Variants in HPSE2 observed in about 807,000 individuals in gnomAD.
The protein encoded by HPSE2 is inactive heparanase-2.
In HPSE2, 38 loss-of-function variants were observed where a neutral mutation model predicts 60.5. The observed-to-expected ratio is 0.63, with a 90% CI of 0.48 to 0.82. The LOEUF (loss-of-function observed/expected upper bound fraction) is 0.82, where lower values mean the gene tolerates loss of function less well. HPSE2 is among the 40% of genes least tolerant of loss of function. The pLI is 0.00. For synonymous variants in HPSE2, 295 were observed against 293.2 expected, an observed-to-expected ratio of 1.01 and a Z score of -0.06; for missense variants, 713 against 740.4, an observed-to-expected ratio of 0.96 and a Z score of 0.43.
At chr10:98,810,716 C>T (rs924361606) in intron 3 of HPSE2, among the ~76,000 whole-genome samples, 4 of 151,628 alleles carry the variant, frequency 2.6e-5, no homozygotes, top group African/African-American at 9.7e-5. Context: ...TTGTCTTGGG[C>T]CACACATAAA....
the HPSE2 span, among the ~76,000 whole-genome samples, chr10:99,274,866 G>A: frequency 9.2e-5 from 14 of 152,298 alleles, no homozygotes; most frequent in African/African-American, 3.1e-4. Context: ...ATTCATCTGG[G>A]AAATATACTT....
At chr10:98,922,912 T>C (rs1002330569) in intron 3 of HPSE2, among the ~76,000 whole-genome samples, 7 of 152,220 alleles carry the variant, frequency 4.6e-5, no homozygotes, top group African/African-American at 1.2e-4. Context: ...CTTTCTACTT[T>C]AGTCAAGATA....
chr10:99,090,741 G>A (rs1043943755), intron 3 of HPSE2, among the ~76,000 whole-genome samples: 2 of 151,762 alleles, frequency 1.3e-5, no homozygotes, highest in Non-Finnish European at 2.9e-5. Flanking sequence ...CACATAGGTT[G>A]TACCTCAATT....
At chr10:99,029,926 T>G (rs1166795388) in intron 3 of HPSE2, among the ~76,000 whole-genome samples, 1 of 152,180 alleles carries the variant, frequency 6.6e-6, no homozygotes, top group Admixed American at 6.5e-5. Context: ...CTTGACACTT[T>G]TCGCTACCAC....
intron 3 of HPSE2, among the ~76,000 whole-genome samples, chr10:98,965,611 C>G (rs112637910): frequency 6.6e-6 from 1 of 152,110 alleles, no homozygotes; most frequent in South Asian, 2.1e-4. Context: ...CTTCCATTCT[C>G]TTGTGCCTCT....
At chr10:98,694,024 A>G (rs907928269) in intron 5 of HPSE2, 77 bp from the exon 6 acceptor site, 60 of 1,106,942 alleles carry the variant, frequency 5.4e-5, no homozygotes, top group South Asian at 2.4e-4. Context: ...AAATAAACTG[A>G]GACAGATTAG....
At chr10:98,501,204 A>G (rs976375591) in intron 9 of HPSE2, among the ~76,000 whole-genome samples, 2 of 152,178 alleles carry the variant, frequency 1.3e-5, no homozygotes, top group African/African-American at 4.8e-5. Context: ...TGAAGCCAGC[A>G]TCACCCTAAA....
chr10:98,991,758 G>T (rs1422007717), intron 3 of HPSE2, among the ~76,000 whole-genome samples: 1 of 151,282 alleles, frequency 6.6e-6, no homozygotes, highest in African/African-American at 2.4e-5. Flanking sequence ...ATGCGTGGTG[G>T]ACAAAAAAAA....
chr10:98,818,335 A>G (rs939527678), intron 3 of HPSE2, among the ~76,000 whole-genome samples: 4 of 152,144 alleles, frequency 2.6e-5, no homozygotes, highest in African/African-American at 7.2e-5. Flanking sequence ...TCCACCTCCA[A>G]TCGGTAGGCA....
intron 3 of HPSE2, among the ~76,000 whole-genome samples, chr10:98,943,255 T>G (rs1192214412): frequency 6.6e-6 from 1 of 150,538 alleles, no homozygotes; most frequent in Non-Finnish European, 1.5e-5. Context: ...AAAATTATAA[T>G]AAAAAAATAA....
intron 7 of HPSE2, among the ~76,000 whole-genome samples, chr10:98,640,682 G>T (rs779929843): frequency 6.6e-6 from 1 of 152,000 alleles, no homozygotes; most frequent in Non-Finnish European, 1.5e-5. Context: ...TGTTTAATCC[G>T]CTCGAGAAAT....
chr10:99,268,145 T>A, the HPSE2 span, among the ~76,000 whole-genome samples: 1 of 152,178 alleles, frequency 6.6e-6, no homozygotes, highest in Non-Finnish European at 1.5e-5. Flanking sequence ...GGGCCCTATC[T>A]TTAGCCTCCT....
At chr10:98,502,297 C>T (rs1942051831) in intron 9 of HPSE2, among the ~76,000 whole-genome samples, 1 of 152,154 alleles carries the variant, frequency 6.6e-6, no homozygotes, top group Non-Finnish European at 1.5e-5. Context: ...TGATTTCAAA[C>T]TATACTATTA....
intron 2 of HPSE2, among the ~76,000 whole-genome samples, chr10:99,179,748 G>A (rs1421819763): frequency 1.0e-4 from 15 of 146,582 alleles, no homozygotes; most frequent in Admixed American, 6.8e-5. Context: ...CACAGAATGA[G>A]AAAAAAAAAA....
intron 3 of HPSE2, among the ~76,000 whole-genome samples, chr10:98,815,059 G>C (rs1157362245): frequency 2.0e-5 from 3 of 152,156 alleles, no homozygotes; most frequent in Admixed American, 1.3e-4. Flanking sequence ...CTTGAGGCCA[G>C]GAATTCTAGA....
At position 99,206,411 on chromosome 10, in the gene HPSE2, G is replaced by A. The variant is rs189584994; in HGVS notation, c.448+25937C>T. On this transcript the variant is annotated intron_variant, in intron 2 of 11. Transcript: ENST00000370552. ...AACTGAGGAATTCAAGCCTAGCCTG[G>A]GCAACATGGTGAAACCCAATGTCTA... 3.0e-3 allele frequency among the ~76,000 whole-genome samples: 455 copies of A among 152,094 alleles called. 2 individuals carry two copies. The highest frequency in any genetic ancestry group is 4.4e-3 in the Non-Finnish European group (301 of 67,992).
the HPSE2 span, among the ~76,000 whole-genome samples, chr10:99,282,539 A>T: frequency 5.7e-3 from 873 of 152,340 alleles, 8 homozygotes; most frequent in African/African-American, 0.02. Flanking sequence ...AATGTACGGA[A>T]TCCTCTACCC....
At chr10:98,588,519 C>T (rs542407570) in intron 9 of HPSE2, among the ~76,000 whole-genome samples, 1 of 152,184 alleles carries the variant, frequency 6.6e-6, no homozygotes, top group East Asian at 1.9e-4. Context: ...TGCTTTCCTG[C>T]AGGAGATCCA....
intron 3 of HPSE2, among the ~76,000 whole-genome samples, chr10:98,836,547 T>C (rs1416388359): frequency 6.6e-6 from 1 of 152,160 alleles, no homozygotes; most frequent in East Asian, 1.9e-4. Flanking sequence ...TGTTACAAGG[T>C]TTATGCAGTT....
Sources: gnomAD v4.1 joint callset for allele counts (sites outside exome capture counted in the v4.1 genomes callset) on GRCh38, gnomAD v4.1.1 for gene constraint, MANE v1.5 for transcripts, NCBI Gene and HGNC (gene_info 2026-07-23, HGNC 2026-07-21) for gene names.